Variants in STIM1 observed in about 807,000 individuals in gnomAD.
STIM1 encodes the protein stromal interaction molecule 1.
STIM1 carries 25 observed loss-of-function variants against 74.7 expected under a neutral mutation model. The ratio of observed to expected loss-of-function variants is 0.33; its 90% CI spans 0.24 to 0.47. The LOEUF (loss-of-function observed/expected upper bound fraction) is 0.47. STIM1 is among the 20% of genes least tolerant of loss of function. The pLI is 1.00. For missense variants in STIM1, 728 were observed against 920.8 expected (o/e 0.79, Z 2.71); for synonymous variants, 328 against 348.8 (o/e 0.94, Z 0.66).
At chr11:4,081,095 C>T (rs2094463087) in intron 7 of STIM1, among the ~76,000 whole-genome samples, 1 of 152,164 alleles carries the variant, frequency 6.6e-6, no homozygotes, top group Non-Finnish European at 1.5e-5. Context: ...TGAGGCCCTC[C>T]TGGCCTATCT....
At chr11:3,935,192 C>T (rs953936104) in intron 1 of STIM1, among the ~76,000 whole-genome samples, 3 of 152,204 alleles carry the variant, frequency 2.0e-5, no homozygotes, top group Admixed American at 2.0e-4. Flanking sequence ...TCATCTTACC[C>T]GTGTTTTTCT....
chr11:4,050,280 C>T (rs1263785369), intron 3 of STIM1, among the ~76,000 whole-genome samples: 1 of 152,148 alleles, frequency 6.6e-6, no homozygotes, highest in Non-Finnish European at 1.5e-5. Flanking sequence ...TAGCTGAGAG[C>T]AAGGGAGGAG....
intron 2 of STIM1, among the ~76,000 whole-genome samples, chr11:4,013,883 T>G (rs578016199): frequency 6.6e-6 from 1 of 151,628 alleles, no homozygotes; most frequent in East Asian, 1.9e-4. Context: ...TTTTTTGTAT[T>G]TTTTTAGTAG....
intron 1 of STIM1, among the ~76,000 whole-genome samples, chr11:3,928,991 C>T (rs2092824960): frequency 6.6e-6 from 1 of 152,182 alleles, no homozygotes; most frequent in Non-Finnish European, 1.5e-5. Context: ...CTGCCTCAGC[C>T]TCCCAAAAAG....
intron 2 of STIM1, among the ~76,000 whole-genome samples, chr11:3,970,093 T>C (rs2093377623): frequency 6.6e-6 from 1 of 151,760 alleles, no homozygotes; most frequent in Non-Finnish European, 1.5e-5. Flanking sequence ...TTTTTTTTGT[T>C]ACATCCTGCT....
chr11:3,963,196 CTAGTACCCAT>C (rs1451574097), intron 1 of STIM1, among the ~76,000 whole-genome samples: 1 of 152,136 alleles, frequency 6.6e-6, no homozygotes, highest in Non-Finnish European at 1.5e-5. Context: ...GGTATTAATC[CTAGTACCCAT>C]TAGTTATTTT....
At chr11:4,086,813 C>T (rs1299593756) in intron 12 of STIM1, 1 of 1,536,358 alleles carries the variant, frequency 6.5e-7, no homozygotes, top group Non-Finnish European at 8.7e-7. Flanking sequence ...CCTGACACAC[C>T]CCCTTCTGAC....
In STIM1 at chr11:3,938,943, G is replaced by A. The variant is rs78213505; in HGVS notation, c.140-28609G>A. ...GCCATGCAGTCTGAACCAGTATCTT[G>A]AAACCCCTTTCTCCTAGGAGGGACT... On this transcript the variant is annotated intron_variant, in intron 1 of 12. Coordinates refer to ENST00000526596, the MANE Select transcript of STIM1 (RefSeq NM_001382567.1). 7.2e-4 allele frequency among the ~76,000 whole-genome samples: 110 copies of A among 152,286 alleles called. No individual in the cohort carries two copies. The East Asian group carries it at 0.02, about 28-fold the overall frequency.
intron 5 of STIM1, among the ~76,000 whole-genome samples, chr11:4,065,940 A>C (rs1227626692): frequency 1.3e-5 from 2 of 152,172 alleles, no homozygotes; most frequent in African/African-American, 4.8e-5. Context: ...GATTGGGAGA[A>C]GGGATTCCAG....
intron 3 of STIM1, among the ~76,000 whole-genome samples, chr11:4,039,606 C>T (rs567370327): frequency 9.7e-5 from 11 of 113,204 alleles, no homozygotes; most frequent in African/African-American, 2.2e-4. Context: ...AAAAAAAAAA[C>T]GAAAGAAAGA....
chr11:3,866,744 TG>T (rs2090875246), intron 1 of STIM1, among the ~76,000 whole-genome samples: 1 of 152,132 alleles, frequency 6.6e-6, no homozygotes, highest in Non-Finnish European at 1.5e-5. Flanking sequence ...TTTGAGTTCT[TG>T]GTGACAGTAT....
chr11:4,070,669 AT>A (rs1386968316), intron 6 of STIM1, among the ~76,000 whole-genome samples: 2 of 152,184 alleles, frequency 1.3e-5, no homozygotes, highest in Non-Finnish European at 2.9e-5. Flanking sequence ...CTTTGGATAA[AT>A]TTCTTTCCCT....
At chr11:4,088,785 G>T (rs1281273120) in intron 12 of STIM1, 1 of 1,523,552 alleles carries the variant, frequency 6.6e-7, no homozygotes, top group Non-Finnish European at 8.8e-7. Flanking sequence ...CCTTTGGGGA[G>T]GGACCTCTGG....
chr11:3,901,011 C>A (rs188795506), intron 1 of STIM1, among the ~76,000 whole-genome samples: 1 of 152,140 alleles, frequency 6.6e-6, no homozygotes, highest in Non-Finnish European at 1.5e-5. Context: ...GCCAACATGG[C>A]GAAACCCTGT....
chr11:4,036,025 C>G (rs543439984), intron 3 of STIM1, among the ~76,000 whole-genome samples: 1 of 152,152 alleles, frequency 6.6e-6, no homozygotes, highest in East Asian at 1.9e-4. Context: ...CTCCCACTCC[C>G]CTGACAATGT....
intron 1 of STIM1, among the ~76,000 whole-genome samples, chr11:3,897,585 C>T (rs963185612): frequency 1.3e-5 from 2 of 151,594 alleles, no homozygotes; most frequent in Non-Finnish European, 2.9e-5. Context: ...ATATGTATAC[C>T]TGTGCCATGC....
At position 3,892,506 on chromosome 11, in the gene STIM1, C is replaced by T. The variant is rs2091926269; in HGVS notation, c.139+36097C>T. ...ATGCCTTCTTTCGCCTTGCCAAAGA[C>T]CACATGCTTGCCATCCAACCACTCA... On this transcript the variant is annotated intron_variant, in intron 1 of 12. Coordinates refer to ENST00000526596, the MANE Select transcript of STIM1 (RefSeq NM_001382567.1). 18 of 1,576,858 alleles carry T rather than the reference C, an allele frequency of 1.1e-5. 1 individual carries two copies. Among genetic ancestry groups the T allele is most frequent in the Non-Finnish European group, 1.6e-5 (18 of 1,147,416 alleles).
At chr11:3,961,107 A>G (rs187515094) in intron 1 of STIM1, among the ~76,000 whole-genome samples, 3 of 151,976 alleles carry the variant, frequency 2.0e-5, no homozygotes, top group Admixed American at 2.0e-4. Context: ...CACTCAAGTG[A>G]TCCTCCTACT....
chr11:4,063,669 AC>A, intron 5 of STIM1, among the ~76,000 whole-genome samples: 1 of 152,310 alleles, frequency 6.6e-6, no homozygotes, highest in South Asian at 2.1e-4. Flanking sequence ...GTATGCCTGA[AC>A]AGCTTTTTTT....
Sources: gnomAD v4.1 joint callset for allele counts (sites outside exome capture counted in the v4.1 genomes callset) on GRCh38, gnomAD v4.1.1 for gene constraint, MANE v1.5 for transcripts, NCBI Gene and HGNC (gene_info 2026-07-23, HGNC 2026-07-21) for gene names.